OR52N4: variants seen among roughly 807,000 people sequenced by gnomAD.
The protein encoded by OR52N4 is olfactory receptor family 52 subfamily N member 4.
In OR52N4, 15 loss-of-function variants were observed where a neutral mutation model predicts 15.0. The observed-to-expected ratio is 1.00, with a 90% CI of 0.67 to 1.54. The LOEUF is 1.54. Ranked by LOEUF, OR52N4 falls within the 40% of genes most tolerant of loss-of-function variation. OR52N4 has a pLI of 0.00. For synonymous variants in OR52N4, 143 were observed against 143.7 expected (o/e 1.00, Z 0.03); for missense variants, 421 against 394.0 (o/e 1.07, Z -0.58).
the OR52N4 span, among the ~76,000 whole-genome samples, chr11:5,746,663 T>G: frequency 6.6e-6 from 1 of 152,102 alleles, no homozygotes; most frequent in African/African-American, 2.4e-5. Context: ...AAACAACAGA[T>G]TTTGTCATGG....
Position 5,755,217 on chromosome 11 carries a change from T to C in OR52N4, c.477T>C (p.Ile159=). 6.2e-7 allele frequency: 1 copy of C among 1,613,964 alleles called. No individual in the cohort carries two copies. Among genetic ancestry groups the C allele is most frequent in the South Asian group, 1.1e-5 (1 of 91,064 alleles). The part of the protein sequence containing the change: ...ATFLRGVLLI[I]PFTFLTKLLP... ...TCCTGAGAGGGGTATTACTCATTAT[T>C]CCCTTTACTTTCCTCACCAAGCTCC... Residue 159 remains isoleucine (I), a synonymous_variant, in exon 2 of 2, where the codon ATT becomes ATC. Transcript: ENST00000641350.
the OR52N4 span, among the ~76,000 whole-genome samples, chr11:5,748,185 C>A: frequency 6.6e-6 from 1 of 151,796 alleles, no homozygotes; most frequent in South Asian, 2.1e-4. Context: ...TATAATGCAA[C>A]ATGATGATTT....
At chr11:5,742,805 A>G in the OR52N4 span, among the ~76,000 whole-genome samples, 2 of 152,202 alleles carry the variant, frequency 1.3e-5, no homozygotes, top group Non-Finnish European at 2.9e-5. Flanking sequence ...TAAAAAACTC[A>G]TAGATCTTCT....
chr11:5,731,044 C>T, the OR52N4 span, among the ~76,000 whole-genome samples: 4 of 152,062 alleles, frequency 2.6e-5, no homozygotes, highest in African/African-American at 9.7e-5. Context: ...TCAAAAGGTA[C>T]AGCCTCATCC....
upstream of OR52N4, among the ~76,000 whole-genome samples, chr11:5,752,039 A>T: frequency 6.6e-6 from 1 of 152,106 alleles, no homozygotes; most frequent in East Asian, 1.9e-4. Flanking sequence ...AGGTTTGCCT[A>T]TCACAAAGCT....
the OR52N4 span, among the ~76,000 whole-genome samples, chr11:5,742,499 AACCTCGT>A: frequency 6.6e-6 from 1 of 152,174 alleles, no homozygotes; most frequent in Non-Finnish European, 1.5e-5. Flanking sequence ...CTATAAAATA[AACCTCGT>A]CAGAGTAACA....
Position 5,755,695 on chromosome 11 carries a change from T to G in OR52N4, c.955T>G (p.Tyr319Asp). ...ILSGSKDTKS[Y>D]SM ...TTCAGGTTCTAAGGATACCAAATCC[T>G]ACAGCATGTGAATGAACACTTGCCA... is the stretch of plus-strand genomic sequence containing the variant. Residue 319 changes from tyrosine (Y) to aspartate (D), a missense_variant, in exon 2 of 2, where the codon TAC becomes GAC. Coordinates refer to ENST00000641350, the MANE Select transcript of OR52N4 (RefSeq NM_001005175.5). 6.2e-7 allele frequency: 1 copy of G among 1,612,638 alleles called. No homozygotes were observed. Among genetic ancestry groups the G allele is most frequent in the Non-Finnish European group, 8.5e-7 (1 of 1,179,128 alleles).
At chr11:5,738,100 C>G in the OR52N4 span, 1 of 152,820 alleles carries the variant, frequency 6.5e-6, no homozygotes, top group Non-Finnish European at 1.5e-5. Flanking sequence ...GTTTGCCTCC[C>G]CAGATTTGCT....
At chr11:5,728,082 T>C in the OR52N4 span, among the ~76,000 whole-genome samples, 1 of 152,212 alleles carries the variant, frequency 6.6e-6, no homozygotes. Context: ...GGAATAACTC[T>C]TCATTTCTAG....
chr11:5,735,552 G>GA, the OR52N4 span, among the ~76,000 whole-genome samples: 1 of 151,244 alleles, frequency 6.6e-6, no homozygotes, highest in Non-Finnish European at 1.5e-5. Context: ...AAAGCATACT[G>GA]AAAAAAAAGA....
At chr11:5,730,053 A>C in the OR52N4 span, among the ~76,000 whole-genome samples, 4 of 152,172 alleles carry the variant, frequency 2.6e-5, no homozygotes, top group Non-Finnish European at 5.9e-5. Flanking sequence ...TTTTTAAATG[A>C]AAGTTCATGA....
chr11:5,741,269 T>G, the OR52N4 span, among the ~76,000 whole-genome samples: 6 of 152,324 alleles, frequency 3.9e-5, no homozygotes, highest in African/African-American at 1.4e-4. Flanking sequence ...GGATAAGATC[T>G]TAAGACATAA....
At chr11:5,726,713 A>G in the OR52N4 span, 10 of 153,026 alleles carry the variant, frequency 6.5e-5, no homozygotes, top group East Asian at 1.9e-3. Flanking sequence ...GCTCTCAACC[A>G]TCGACTTGGC....
At chr11:5,738,210 A>G in the OR52N4 span, 2 of 152,268 alleles carry the variant, frequency 1.3e-5, no homozygotes, top group African/African-American at 4.8e-5. Context: ...AATTGAGCCA[A>G]TGTGATGCGT....
At chr11:5,749,450 T>C (rs1373786803), upstream of OR52N4, among the ~76,000 whole-genome samples, 2 of 151,978 alleles carry the variant, frequency 1.3e-5, no homozygotes, top group African/African-American at 2.4e-5. Flanking sequence ...ATAATGATTA[T>C]GATTATCTGT....
the OR52N4 span, among the ~76,000 whole-genome samples, chr11:5,731,453 T>C: frequency 0.18 from 26,660 of 152,188 alleles, 2,555 homozygotes; most frequent in Admixed American, 0.27. Flanking sequence ...ACCTCCAGAA[T>C]TGTTGTGTAC....
At chr11:5,736,500 GAA>G in the OR52N4 span, 1 of 1,609,852 alleles carries the variant, frequency 6.2e-7, no homozygotes. Context: ...ATAGAGATTT[GAA>G]ATTCATGTTG....
the OR52N4 span, among the ~76,000 whole-genome samples, chr11:5,735,770 A>G: frequency 6.6e-6 from 1 of 152,154 alleles, no homozygotes; most frequent in Non-Finnish European, 1.5e-5. Flanking sequence ...TTCCTTCAAC[A>G]TTATGGACAA....
the OR52N4 span, among the ~76,000 whole-genome samples, chr11:5,738,825 G>T: frequency 6.6e-6 from 1 of 151,864 alleles, no homozygotes; most frequent in Non-Finnish European, 1.5e-5. Context: ...ATCTATTATT[G>T]TCTTGTATTT....
Sources: gnomAD v4.1 joint callset for allele counts (sites outside exome capture counted in the v4.1 genomes callset) on GRCh38, gnomAD v4.1.1 for gene constraint, MANE v1.5 for transcripts, NCBI Gene and HGNC (gene_info 2026-07-23, HGNC 2026-07-21) for gene names.